RBMS3: variants seen among roughly 807,000 people sequenced by gnomAD.
RBMS3 encodes the protein RNA-binding motif, single-stranded-interacting protein 3.
In RBMS3, 27 loss-of-function variants were observed where a neutral mutation model predicts 66.8. The ratio of observed to expected loss-of-function variants is 0.40; its 90% CI spans 0.30 to 0.56. The LOEUF is 0.56. Among genes scored for constraint, RBMS3 ranks in the 20% least tolerant of loss-of-function variants. The pLI is 0.40. For missense variants in RBMS3, 513 were observed against 549.5 expected (o/e 0.93, Z 0.66); for synonymous variants, 188 against 183.0 (o/e 1.03, Z -0.22).
chr3:29,421,362 C>T (rs2040726960), intron 1 of RBMS3, among the ~76,000 whole-genome samples: 1 of 151,770 alleles, frequency 6.6e-6, no homozygotes, highest in Non-Finnish European at 1.5e-5. Flanking sequence ...CTGAAAAAAA[C>T]AATTTAAGCC....
chr3:29,303,936 G>C (rs1297868115), intron 1 of RBMS3, among the ~76,000 whole-genome samples: 1 of 151,910 alleles, frequency 6.6e-6, no homozygotes, highest in Admixed American at 6.6e-5. Flanking sequence ...AGATGCAAAA[G>C]CGGAAACCCC....
intron 2 of RBMS3, among the ~76,000 whole-genome samples, chr3:29,469,692 A>G (rs997908586): frequency 4.6e-5 from 7 of 150,806 alleles, no homozygotes; most frequent in African/African-American, 1.7e-4. Flanking sequence ...TACGTATAAG[A>G]AAACAATAAG....
At chr3:29,944,061 G>A in intron 11 of RBMS3, 146 bp from the exon 12 acceptor site, 1 of 615,274 alleles carries the variant, frequency 1.6e-6, no homozygotes, top group East Asian at 2.8e-5. Flanking sequence ...TGCAAATGAG[G>A]AATCCTAATG....
intron 1 of RBMS3, among the ~76,000 whole-genome samples, chr3:29,428,857 C>T (rs1288084332): frequency 1.3e-5 from 2 of 152,102 alleles, no homozygotes; most frequent in African/African-American, 2.4e-5. Context: ...GGTCACTTCC[C>T]CTTTGAAATT....
At chr3:29,803,042 T>C (rs902598155) in intron 6 of RBMS3, among the ~76,000 whole-genome samples, 5 of 152,068 alleles carry the variant, frequency 3.3e-5, no homozygotes, top group African/African-American at 7.2e-5. Context: ...GTACTATAGC[T>C]CTCTGATGGG....
intron 6 of RBMS3, among the ~76,000 whole-genome samples, chr3:29,854,946 A>C (rs1199983533): frequency 6.6e-6 from 1 of 152,186 alleles, no homozygotes; most frequent in African/African-American, 2.4e-5. Flanking sequence ...CTGGAAATAA[A>C]ATGAGAGGCA....
At chr3:29,684,811 C>CACACACAG (rs1559567123) in intron 4 of RBMS3, among the ~76,000 whole-genome samples, 1 of 150,264 alleles carries the variant, frequency 6.7e-6, no homozygotes, top group African/African-American at 2.5e-5. Flanking sequence ...CACACACACA[C>CACACACAG]ACACAGACAC....
At chr3:29,634,331 T>C (rs1263130100) in intron 4 of RBMS3, among the ~76,000 whole-genome samples, 1 of 151,882 alleles carries the variant, frequency 6.6e-6, no homozygotes, top group Non-Finnish European at 1.5e-5. Flanking sequence ...TCATGAACTA[T>C]CTTTATACAC....
At chr3:29,649,215 C>T (rs2050054993) in intron 4 of RBMS3, among the ~76,000 whole-genome samples, 1 of 152,140 alleles carries the variant, frequency 6.6e-6, no homozygotes, top group Non-Finnish European at 1.5e-5. Flanking sequence ...AACATGTTCA[C>T]ATGGCAATAC....
At chr3:29,905,746 C>T (rs1422611786) in intron 10 of RBMS3, among the ~76,000 whole-genome samples, 1 of 152,004 alleles carries the variant, frequency 6.6e-6, no homozygotes, top group African/African-American at 2.4e-5. Context: ...CTAATGATAG[C>T]TGATGAGCTA....
At chr3:29,818,422 T>A (rs147320214) in intron 6 of RBMS3, among the ~76,000 whole-genome samples, 71 of 152,212 alleles carry the variant, frequency 4.7e-4, no homozygotes, top group African/African-American at 1.6e-3. Flanking sequence ...ATAATTTATA[T>A]AATTTTTTTA....
chr3:29,463,491 T>C (rs2042436014), intron 2 of RBMS3, among the ~76,000 whole-genome samples: 1 of 151,982 alleles, frequency 6.6e-6, no homozygotes, highest in Admixed American at 6.6e-5. Context: ...ATCTCGCCAT[T>C]GCTCCCTTTC....
intron 5 of RBMS3, 83 bp downstream of exon 5, chr3:29,739,960 A>T: frequency 9.3e-7 from 1 of 1,074,442 alleles, no homozygotes; most frequent in East Asian, 2.8e-5. Flanking sequence ...TAGAGCCCAA[A>T]GCAATAGAAT....
intron 3 of RBMS3, among the ~76,000 whole-genome samples, chr3:29,562,360 A>G (rs1286800794): frequency 1.3e-5 from 2 of 152,158 alleles, no homozygotes; most frequent in Admixed American, 6.5e-5. Flanking sequence ...TCTGATTCTT[A>G]TCTGAAATTT....
intron 4 of RBMS3, among the ~76,000 whole-genome samples, chr3:29,608,294 T>A (rs756515573): frequency 6.6e-6 from 1 of 152,016 alleles, no homozygotes; most frequent in Non-Finnish European, 1.5e-5. Context: ...TAAGACGGAA[T>A]ATTCTGAGTT....
intron 4 of RBMS3, among the ~76,000 whole-genome samples, chr3:29,700,455 T>C (rs1021157574): frequency 1.3e-5 from 2 of 152,204 alleles, no homozygotes; most frequent in African/African-American, 4.8e-5. Context: ...ACATCTCTTG[T>C]AGAGCTCATG....
chr3:29,451,262 T>C (rs35962095), intron 2 of RBMS3, among the ~76,000 whole-genome samples: 46,678 of 152,024 alleles, frequency 0.31, 7,380 homozygotes, highest in African/African-American at 0.38. Flanking sequence ...AATTATAGGA[T>C]GAAACTTTTT....
intron 4 of RBMS3, among the ~76,000 whole-genome samples, chr3:29,593,074 T>G (rs1255870255): frequency 2.0e-5 from 3 of 150,154 alleles, no homozygotes; most frequent in African/African-American, 4.9e-5. Flanking sequence ...AAATGACGAG[T>G]TAATGGGTGC....
At chr3:29,427,856 C>G (rs1332233584) in intron 1 of RBMS3, among the ~76,000 whole-genome samples, 1 of 152,152 alleles carries the variant, frequency 6.6e-6, no homozygotes, top group East Asian at 1.9e-4. Context: ...GGCAATAGAA[C>G]TGACTGCAGT....
Sources: allele counts gnomAD v4.1 joint callset (sites outside exome capture counted in the v4.1 genomes callset), GRCh38; gene constraint gnomAD v4.1.1; transcripts MANE v1.5; gene names NCBI Gene and HGNC (gene_info 2026-07-23, HGNC 2026-07-21).